ANKRD28: variants seen among roughly 807,000 people sequenced by gnomAD.
The protein encoded by ANKRD28 is ankyrin repeat domain 28, also known as serine/threonine-protein phosphatase 6 regulatory ankyrin repeat subunit A.
In ANKRD28, 44 loss-of-function variants were observed where a neutral mutation model predicts 126.5. That is an observed-to-expected ratio of 0.35 (90% CI 0.27 to 0.45). The LOEUF is 0.45. ANKRD28 is among the 20% of genes least tolerant of loss of function. The pLI is 1.00. For missense variants in ANKRD28, 1,110 were observed against 1,316.6 expected (o/e 0.84, Z 2.43); for synonymous variants, 442 against 468.5 (o/e 0.94, Z 0.73).
intron 3 of ANKRD28, among the ~76,000 whole-genome samples, chr3:15,765,615 G>A (rs2058699409): frequency 6.6e-6 from 1 of 152,064 alleles, no homozygotes; most frequent in South Asian, 2.1e-4. Context: ...GCCAAGACAG[G>A]CAGATCACAA....
intron 23 of ANKRD28, 67 bp from the exon 24 acceptor site, chr3:15,678,421 T>G (rs141022482): frequency 2.1e-6 from 3 of 1,459,136 alleles, no homozygotes; most frequent in Non-Finnish European, 1.8e-6. Flanking sequence ...AAAATATTCT[T>G]TAATTTGTGA....
At chr3:15,677,375 T>C (rs1405144199) in intron 25 of ANKRD28, 105 bp downstream of exon 25, 4 of 774,560 alleles carry the variant, frequency 5.2e-6, no homozygotes, top group Non-Finnish European at 6.4e-6. Flanking sequence ...CCAGTGATCA[T>C]TAGAGAGGTT....
chr3:15,755,700 A>AT (rs1407889161), intron 3 of ANKRD28, among the ~76,000 whole-genome samples: 7 of 152,234 alleles, frequency 4.6e-5, no homozygotes, highest in Non-Finnish European at 1.0e-4. Context: ...GTAGAGAGAA[A>AT]TAAAACCAAA....
intron 4 of ANKRD28, among the ~76,000 whole-genome samples, chr3:15,738,304 G>T (rs372304733): frequency 1.3e-5 from 2 of 152,110 alleles, no homozygotes; most frequent in African/African-American, 4.8e-5. Context: ...TGCCCAAGCC[G>T]CAAAACCAGC....
In ANKRD28 at chr3:15,687,361, A is replaced by G. The variant is rs1422658657; in HGVS notation, c.1964-1052T>C. Among the ~76,000 whole-genome samples, 4 of 152,160 alleles carry G rather than the reference A, an allele frequency of 2.6e-5. No homozygotes were observed. The East Asian group carries it at 7.7e-4, about 29-fold the overall frequency. ...TATATATATATACATACAGTACAAGAAAAATGATCCATCTAAAGAATGCAT... is the reference window on the plus strand; with the variant it reads ...TATATATATATACATACAGTACAAGGAAAATGATCCATCTAAAGAATGCAT... On this transcript the variant is annotated intron_variant, in intron 18 of 27. Coordinates refer to ENST00000683139, the MANE Select transcript of ANKRD28 (RefSeq NM_001349278.2).
At chr3:15,841,834 C>T (rs917219970) in intron 1 of ANKRD28, among the ~76,000 whole-genome samples, 2 of 152,026 alleles carry the variant, frequency 1.3e-5, no homozygotes, top group Non-Finnish European at 2.9e-5. Flanking sequence ...GGTAGGAATG[C>T]AAACTAGTAC....
intron 21 of ANKRD28, 193 bp downstream of exon 21, chr3:15,685,033 T>C (rs767028263): frequency 1.0e-5 from 6 of 595,252 alleles, no homozygotes; most frequent in African/African-American, 1.9e-5. Flanking sequence ...CTTTGACAAC[T>C]AGTGTCTTGG....
chr3:15,672,145 GA>G (rs1162520677), intron 27 of ANKRD28, among the ~76,000 whole-genome samples: 2 of 144,422 alleles, frequency 1.4e-5, no homozygotes, highest in African/African-American at 2.8e-5. Flanking sequence ...ATAAAAAAAG[GA>G]TTTTTTTTTT....
intron 2 of ANKRD28, among the ~76,000 whole-genome samples, chr3:15,779,291 A>G (rs2125679092): frequency 6.6e-6 from 1 of 152,320 alleles, no homozygotes; most frequent in South Asian, 2.1e-4. Flanking sequence ...CAGGGAGAAG[A>G]AATTATGCAT....
At chr3:15,726,820 CTT>C (rs1215707817) in intron 6 of ANKRD28, among the ~76,000 whole-genome samples, 1 of 152,202 alleles carries the variant, frequency 6.6e-6, no homozygotes, top group Non-Finnish European at 1.5e-5. Flanking sequence ...GGCTGACTCT[CTT>C]GTTAGAGGCT....
At chr3:15,840,004 C>T (rs1359945555) in intron 1 of ANKRD28, among the ~76,000 whole-genome samples, 3 of 152,138 alleles carry the variant, frequency 2.0e-5, no homozygotes, top group Admixed American at 6.5e-5. Context: ...AACTAGGATG[C>T]CCACTGTCAC....
intron 2 of ANKRD28, among the ~76,000 whole-genome samples, chr3:15,775,922 G>C (rs1237265901): frequency 3.3e-5 from 5 of 152,136 alleles, no homozygotes; most frequent in South Asian, 2.1e-4. Flanking sequence ...TCCAGAGACT[G>C]GGGGGTGGGG....
intron 18 of ANKRD28, among the ~76,000 whole-genome samples, chr3:15,689,403 T>C (rs1444259327): frequency 6.6e-6 from 1 of 152,188 alleles, no homozygotes; most frequent in African/African-American, 2.4e-5. Flanking sequence ...TCTGCAGCCA[T>C]CATCAAAAGA....
chr3:15,797,389 G>A lies in ANKRD28; in HGVS notation c.-868C>T. Reference sequence around the variant, plus strand: ...TCCCATCGATAGCATAAGCAAGGCAGAGCGTTCATTCTTTCTCCATCAGGC... The same window carrying A: ...TCCCATCGATAGCATAAGCAAGGCAAAGCGTTCATTCTTTCTCCATCAGGC... On this transcript the variant is annotated 5_prime_UTR_variant, in exon 1 of 28. Transcript: ENST00000683139. 1.0e-6 allele frequency: 1 copy of A among 985,360 alleles called. No individual in the cohort carries two copies. Among genetic ancestry groups the A allele is most frequent in the Non-Finnish European group, 1.2e-6 (1 of 829,950 alleles). 61.0% of individuals were successfully genotyped at this position (985,360 alleles called of 1,614,324 possible).
At chr3:15,748,940 T>TGTC in intron 4 of ANKRD28, among the ~76,000 whole-genome samples, 1 of 152,120 alleles carries the variant, frequency 6.6e-6, no homozygotes, top group East Asian at 1.9e-4. Flanking sequence ...TCAAAAGCCT[T>TGTC]GTCTTCAAGC....
chr3:15,856,843 G>C (rs2061779474), intron 1 of ANKRD28, among the ~76,000 whole-genome samples: 2 of 152,152 alleles, frequency 1.3e-5, no homozygotes, highest in Non-Finnish European at 2.9e-5. Flanking sequence ...TTAAACTGTA[G>C]TTTACAAAGC....
chr3:15,798,525 T>C (rs906549707), upstream of ANKRD28, among the ~76,000 whole-genome samples: 6 of 152,128 alleles, frequency 3.9e-5, no homozygotes, highest in African/African-American at 1.4e-4. Flanking sequence ...AATTTCATAA[T>C]GTAGAAATCC....
At chr3:15,693,855 T>C (rs1158482530) in intron 17 of ANKRD28, among the ~76,000 whole-genome samples, 1 of 152,122 alleles carries the variant, frequency 6.6e-6, no homozygotes, top group Non-Finnish European at 1.5e-5. Context: ...AATGTATATA[T>C]GTCAGTGTTA....
At chr3:15,807,283 C>T (rs1423216613) in intron 1 of ANKRD28, among the ~76,000 whole-genome samples, 1 of 152,190 alleles carries the variant, frequency 6.6e-6, no homozygotes, top group African/African-American at 2.4e-5. Flanking sequence ...TCACATGTCC[C>T]TTCCCAAATG....
Sources: allele counts gnomAD v4.1 joint callset (sites outside exome capture counted in the v4.1 genomes callset), GRCh38; gene constraint gnomAD v4.1.1; transcripts MANE v1.5; gene names NCBI Gene and HGNC (gene_info 2026-07-23, HGNC 2026-07-21).